The following PRKCZ variants were observed in gnomAD, a reference collection of about 807,000 sequenced individuals.
PRKCZ encodes protein kinase C zeta type.
A neutral mutation model predicts 79.5 loss-of-function variants in PRKCZ; 33 were observed. The observed-to-expected ratio is 0.41, with a 90% CI of 0.31 to 0.55. PRKCZ has a LOEUF of 0.55. PRKCZ is among the 20% of genes least tolerant of loss of function. PRKCZ has a pLI of 0.19. For synonymous variants in PRKCZ, 342 were observed against 320.9 expected, an observed-to-expected ratio of 1.07 and a Z score of -0.70; for missense variants, 578 against 813.5, an observed-to-expected ratio of 0.71 and a Z score of 3.52.
chr1:2,092,075 C>A (rs534111775), intron 4 of PRKCZ, among the ~76,000 whole-genome samples: 40 of 152,310 alleles, frequency 2.6e-4, no homozygotes, highest in African/African-American at 9.4e-4. Context: ...TGTGCGGCCG[C>A]AGAGTGAGAC....
rs1674188182 is a variant in PRKCZ at position 2,127,565 on chromosome 1, G to A, written c.335-7697G>A. ...ATGGCTGGCACTATCCAGCGCAGAA[G>A]GAATGAAGGACTTCTGTTCAGACAG... On this transcript the variant is annotated intron_variant, in intron 4 of 17. Transcript: ENST00000378567. This position sits in a 1 kb window ranked among gnomAD's most constrained non-coding sequence, Gnocchi z 5.1. Among the ~76,000 whole-genome samples, 2 of 152,254 alleles carry A rather than the reference G, an allele frequency of 1.3e-5. No homozygotes were observed. Among genetic ancestry groups the A allele is most frequent in the African/African-American group, 4.8e-5 (2 of 41,462 alleles).
intron 16 of PRKCZ, among the ~76,000 whole-genome samples, chr1:2,176,591 C>T (rs144094414): frequency 2.6e-5 from 4 of 152,326 alleles, no homozygotes; most frequent in African/African-American, 9.6e-5. Flanking sequence ...GATTGGATAG[C>T]TCGTTCAGTG....
intron 5 of PRKCZ, among the ~76,000 whole-genome samples, chr1:2,137,159 G>A (rs1421987364): frequency 1.3e-5 from 2 of 152,132 alleles, no homozygotes; most frequent in Non-Finnish European, 2.9e-5. Context: ...GGAGTCTAAA[G>A]GCCCAAGAAC....
chr1:2,144,527 C>G, intron 6 of PRKCZ, 186 bp downstream of exon 6: 1 of 1,420,152 alleles, frequency 7.0e-7, no homozygotes, highest in Non-Finnish European at 9.2e-7. Flanking sequence ...TCCTGAGCCC[C>G]CACAAGCCCC....
chr1:2,111,460 T>A (rs370567656), intron 4 of PRKCZ, among the ~76,000 whole-genome samples: 1 of 149,994 alleles, frequency 6.7e-6, no homozygotes, highest in African/African-American at 2.5e-5. Flanking sequence ...GTGGTCTGGG[T>A]GTCTCCAGAG....
chr1:2,110,399 C>T (rs1407624604), intron 4 of PRKCZ, among the ~76,000 whole-genome samples: 1 of 152,258 alleles, frequency 6.6e-6, no homozygotes, highest in Non-Finnish European at 1.5e-5. Context: ...GTTCAGGCTT[C>T]ATCCCCGGTC....
chr1:2,079,312 C>G (rs1008321764), intron 4 of PRKCZ, among the ~76,000 whole-genome samples: 3 of 152,274 alleles, frequency 2.0e-5, no homozygotes, highest in African/African-American at 7.2e-5. Flanking sequence ...CTCATTTAAT[C>G]TTCTCAGTTC....
chr1:2,163,558 A>G (rs372044500), intron 10 of PRKCZ, among the ~76,000 whole-genome samples: 4 of 152,178 alleles, frequency 2.6e-5, no homozygotes, highest in Non-Finnish European at 4.4e-5. Flanking sequence ...GACTTGTCCT[A>G]TTAAGGGACT....
intron 4 of PRKCZ, among the ~76,000 whole-genome samples, chr1:2,091,705 G>A (rs1665531218): frequency 1.3e-5 from 2 of 152,222 alleles, no homozygotes; most frequent in Middle Eastern, 3.4e-3. Flanking sequence ...TGAGTTCCTC[G>A]TTTCTGTGGT....
chr1:2,135,618 C>G (rs988251988), intron 5 of PRKCZ, among the ~76,000 whole-genome samples: 11 of 152,238 alleles, frequency 7.2e-5, no homozygotes, highest in Non-Finnish European at 1.5e-5. Flanking sequence ...TATCAGGGCT[C>G]AGGGCTCACT....
In PRKCZ at chr1:2,177,885, AGCCCTGCCTCTGCCACCGACCGCCG is replaced by A. The variant is rs1220811059; in HGVS notation, c.1575+2598_1575+2622del. On this transcript the variant is annotated intron_variant, in intron 16 of 17. Transcript: ENST00000378567. This position sits in a 1 kb window ranked among gnomAD's most constrained non-coding sequence, Gnocchi z 6.4. Reference sequence around the variant, plus strand: ...TGCGAAGGGCTTGCCACCGACTGCCAGCCCTGCCTCTGCCACCGACCGCCGGCCCTGCCTCTGCCACCGACCGCCG... The same window carrying A: ...TGCGAAGGGCTTGCCACCGACTGCCAGCCCTGCCTCTGCCACCGACCGCCG... Among the ~76,000 whole-genome samples, 801 of 152,084 alleles carry A rather than the reference AGCCCTGCCTCTGCCACCGACCGCCG, an allele frequency of 5.3e-3. 11 individuals carry two copies. The highest frequency in any genetic ancestry group is 0.018 in the African/African-American group (750 of 41,486).
intron 4 of PRKCZ, among the ~76,000 whole-genome samples, chr1:2,123,340 CACG>C (rs1265316367): frequency 5.6e-5 from 1 of 17,968 alleles, no homozygotes; most frequent in African/African-American, 4.6e-4. Context: ...TGGTTAGGGT[CACG>C]GTGGTGGTTA....
intron 2 of PRKCZ, 33 bp from the exon 3 acceptor site, chr1:2,056,451 G>T: frequency 6.3e-7 from 1 of 1,594,078 alleles, no homozygotes; most frequent in Non-Finnish European, 8.6e-7. Context: ...TCGGGCCTTC[G>T]GCGACGTCAG....
At chr1:2,133,687 C>T (rs1429767480) in intron 4 of PRKCZ, 2 of 153,020 alleles carry the variant, frequency 1.3e-5, no homozygotes, top group African/African-American at 2.4e-5. Flanking sequence ...CTCGACTCGG[C>T]CCCTCAGCTG....
intron 4 of PRKCZ, among the ~76,000 whole-genome samples, chr1:2,076,646 G>A (rs1662472159): frequency 6.6e-6 from 1 of 152,038 alleles, no homozygotes; most frequent in South Asian, 2.1e-4. Flanking sequence ...GGGGGCTGAG[G>A]CAGGAGAATC....
At chr1:2,048,541 C>T (rs975579600), upstream of PRKCZ, among the ~76,000 whole-genome samples, 3 of 151,328 alleles carry the variant, frequency 2.0e-5, no homozygotes, top group Non-Finnish European at 1.5e-5. Context: ...GCAAAGAGGC[C>T]TCGAGGCCGG....
intron 4 of PRKCZ, among the ~76,000 whole-genome samples, chr1:2,066,765 T>C (rs1253328679): frequency 2.0e-5 from 3 of 152,216 alleles, no homozygotes; most frequent in African/African-American, 4.8e-5. Flanking sequence ...TTCAAATATT[T>C]ATCACCATAG....
intron 17 of PRKCZ, 69 bp from the exon 18 acceptor site, chr1:2,184,853 G>A (rs548440022): frequency 1.2e-5 from 17 of 1,460,922 alleles, no homozygotes; most frequent in African/African-American, 8.4e-5. Context: ...TTATGCGAAC[G>A]TGACTCCGCT....
intron 4 of PRKCZ, among the ~76,000 whole-genome samples, chr1:2,067,146 G>A (rs1292232157): frequency 1.3e-5 from 2 of 152,186 alleles, no homozygotes; most frequent in Non-Finnish European, 2.9e-5. Flanking sequence ...TTTGGATAAT[G>A]TCTGTTTTTT....
Sources: gnomAD v4.1 joint callset for allele counts (sites outside exome capture counted in the v4.1 genomes callset) on GRCh38, gnomAD v4.1.1 for gene constraint, Gnocchi (gnomAD v3.1) non-coding constraint, MANE v1.5 for transcripts, NCBI Gene and HGNC (gene_info 2026-07-23, HGNC 2026-07-21) for gene names.